SPAG16: variants seen among roughly 807,000 people sequenced by gnomAD.
SPAG16 encodes sperm-associated antigen 16 protein.
SPAG16 carries 86 observed loss-of-function variants against 80.4 expected under a neutral mutation model. That is an observed-to-expected ratio of 1.07 (90% CI 0.90 to 1.28). The LOEUF (loss-of-function observed/expected upper bound fraction) is 1.28, where lower values mean the gene tolerates loss of function less well. SPAG16 is among the 50% of genes most tolerant of loss of function. The pLI is 0.00. For missense variants in SPAG16, 870 were observed against 765.3 expected, an observed-to-expected ratio of 1.14 and a Z score of -1.61; for synonymous variants, 294 against 265.9, an observed-to-expected ratio of 1.11 and a Z score of -1.03.
chr2:213,532,573 T>C (rs993951855), intron 10 of SPAG16, among the ~76,000 whole-genome samples: 1 of 151,902 alleles, frequency 6.6e-6, no homozygotes, highest in Admixed American at 6.6e-5. Flanking sequence ...GCGATTCTCC[T>C]GCCTCAGCCT....
chr2:213,941,313 A>G (rs191194699), intron 12 of SPAG16, among the ~76,000 whole-genome samples: 1 of 152,224 alleles, frequency 6.6e-6, no homozygotes, highest in East Asian at 1.9e-4. Context: ...TGAGCCTGTA[A>G]CTCCTTCTTT....
chr2:213,331,115 T>C (rs1243162911), intron 5 of SPAG16, among the ~76,000 whole-genome samples: 1 of 152,238 alleles, frequency 6.6e-6, no homozygotes, highest in Non-Finnish European at 1.5e-5. Flanking sequence ...GTTTTTCTTT[T>C]ACTTTTCCTT....
intron 10 of SPAG16, among the ~76,000 whole-genome samples, chr2:213,679,568 C>T (rs944817688): frequency 3.3e-5 from 5 of 152,006 alleles, no homozygotes; most frequent in African/African-American, 1.2e-4. Flanking sequence ...TTTCCCACTT[C>T]CTACTTATTT....
chr2:213,876,831 G>A (rs1049376711), intron 11 of SPAG16, among the ~76,000 whole-genome samples: 5 of 152,002 alleles, frequency 3.3e-5, no homozygotes, highest in African/African-American at 7.2e-5. Flanking sequence ...TAGGGTCCTC[G>A]CTCAGATGCA....
intron 10 of SPAG16, among the ~76,000 whole-genome samples, chr2:213,548,670 C>A (rs1035786199): frequency 1.3e-5 from 2 of 152,048 alleles, no homozygotes; most frequent in Non-Finnish European, 2.9e-5. Context: ...ATTTTCTGTT[C>A]ATATGTTTTC....
chr2:214,271,851 C>CA (rs1260856693), intron 15 of SPAG16, among the ~76,000 whole-genome samples: 1 of 145,560 alleles, frequency 6.9e-6, no homozygotes, highest in Non-Finnish European at 1.5e-5. Flanking sequence ...AACCCCCCCC[C>CA]CAAAAAAAAA....
At chr2:213,715,501 G>A (rs924181253) in intron 10 of SPAG16, among the ~76,000 whole-genome samples, 1 of 152,136 alleles carries the variant, frequency 6.6e-6, no homozygotes. Flanking sequence ...TTCTAGCACC[G>A]TGTGTATATC....
At chr2:213,492,400 A>T (rs1271753636) in intron 10 of SPAG16, among the ~76,000 whole-genome samples, 2 of 152,042 alleles carry the variant, frequency 1.3e-5, no homozygotes, top group East Asian at 3.9e-4. Context: ...AATACAAAAA[A>T]TTAGCTGGGT....
chr2:213,822,672 G>A (rs1273050261), intron 10 of SPAG16, among the ~76,000 whole-genome samples: 1 of 152,068 alleles, frequency 6.6e-6, no homozygotes, highest in Non-Finnish European at 1.5e-5. Context: ...GTAAGTACAC[G>A]TGTGCCATGG....
chr2:213,889,097 T>A (rs2076677943), intron 11 of SPAG16, among the ~76,000 whole-genome samples: 1 of 152,002 alleles, frequency 6.6e-6, no homozygotes, highest in African/African-American at 2.4e-5. Flanking sequence ...TTTCATAAGG[T>A]ATATTTCCAA....
chr2:213,381,944 C>T (rs959631724), intron 9 of SPAG16, among the ~76,000 whole-genome samples: 1 of 152,226 alleles, frequency 6.6e-6, no homozygotes, highest in Non-Finnish European at 1.5e-5. Context: ...TCATTCATCA[C>T]TGTCTTTCAG....
intron 15 of SPAG16, among the ~76,000 whole-genome samples, chr2:214,335,126 C>T (rs190882082): frequency 1.3e-5 from 2 of 152,220 alleles, no homozygotes; most frequent in Admixed American, 6.5e-5. Context: ...GCTGCGGTGG[C>T]CCTTCATAAC....
intron 11 of SPAG16, among the ~76,000 whole-genome samples, chr2:213,887,817 A>G (rs2076619789): frequency 6.6e-6 from 1 of 151,804 alleles, no homozygotes; most frequent in African/African-American, 2.4e-5. Flanking sequence ...ATAGATATTA[A>G]CGGATGGTAG....
intron 12 of SPAG16, among the ~76,000 whole-genome samples, chr2:213,975,546 T>C (rs2045325640): frequency 6.6e-6 from 1 of 151,826 alleles, no homozygotes; most frequent in South Asian, 2.1e-4. Flanking sequence ...CTCAAATAAA[T>C]ACCCTAAAGG....
rs73988575 is a variant in SPAG16, at chr2:213,630,868, A to T, written c.1070+140778A>T. ...GGTCTACCTGGGACATAAATAAACA[A>T]ATGTTAATATAGTTTAGGAATAAAT... On this transcript the variant is annotated intron_variant, in intron 10 of 15. Coordinates refer to ENST00000331683, the MANE Select transcript of SPAG16 (RefSeq NM_024532.5). Among the ~76,000 whole-genome samples the T allele has an allele frequency of 7.5e-3, 1,142 of 152,328 alleles. 23 individuals are homozygous for T. Among genetic ancestry groups the T allele is most frequent in the African/African-American group, 0.026 (1,099 of 41,554 alleles).
At chr2:213,488,853 G>C (rs1395288174) in intron 9 of SPAG16, among the ~76,000 whole-genome samples, 1 of 148,142 alleles carries the variant, frequency 6.8e-6, no homozygotes, top group Non-Finnish European at 1.5e-5. Context: ...AAGGCGGGAG[G>C]ATCACCTGAG....
intron 10 of SPAG16, among the ~76,000 whole-genome samples, chr2:213,610,864 T>C (rs1187548504): frequency 2.0e-5 from 3 of 152,230 alleles, no homozygotes; most frequent in Non-Finnish European, 4.4e-5. Flanking sequence ...AGAATCAATA[T>C]TATTATCTTT....
At chr2:213,312,514 C>T (rs908981716) in intron 4 of SPAG16, among the ~76,000 whole-genome samples, 2 of 151,622 alleles carry the variant, frequency 1.3e-5, no homozygotes, top group Admixed American at 1.3e-4. Context: ...TTGCCTCTTA[C>T]TACACTTCTT....
intron 15 of SPAG16, among the ~76,000 whole-genome samples, chr2:214,216,585 G>C (rs558614628): frequency 6.6e-6 from 1 of 152,324 alleles, no homozygotes; most frequent in Non-Finnish European, 1.5e-5. Flanking sequence ...CTCCCAAAGT[G>C]CTGGGATTAC....
Sources: allele counts gnomAD v4.1 joint callset (sites outside exome capture counted in the v4.1 genomes callset), GRCh38; gene constraint gnomAD v4.1.1; transcripts MANE v1.5; gene names NCBI Gene and HGNC (gene_info 2026-07-23, HGNC 2026-07-21).